The following ERI1 variants were observed in gnomAD, a reference collection of about 807,000 sequenced individuals.
ERI1 encodes the protein exoribonuclease 1.
In ERI1, 39 loss-of-function variants were observed where a neutral mutation model predicts 39.7. The ratio of observed to expected loss-of-function variants is 0.98; its 90% CI spans 0.76 to 1.28. The LOEUF is 1.28. Among genes scored for constraint, ERI1 ranks in the 50% most tolerant of loss-of-function variants. The pLI is 0.00. For synonymous variants in ERI1, 204 were observed against 149.6 expected (o/e 1.36, Z -2.65); for missense variants, 581 against 416.9 (o/e 1.39, Z -3.43).
At chr8:9,068,887 G>A (rs937465324) in intron 3 of ERI1, among the ~76,000 whole-genome samples, 18 of 152,066 alleles carry the variant, frequency 1.2e-4, no homozygotes, top group Non-Finnish European at 2.5e-4. Flanking sequence ...TGCAGTCATG[G>A]CTGACTGCAG....
chr8:9,047,667 C>G (rs542515598), intron 3 of ERI1, among the ~76,000 whole-genome samples: 4 of 152,086 alleles, frequency 2.6e-5, no homozygotes, highest in Non-Finnish European at 4.4e-5. Context: ...CAATTGCACT[C>G]CAGCCTGGGC....
Position 9,014,843 on chromosome 8 carries a change from TTTTG to T in ERI1, c.499-1475_499-1472del, listed in dbSNP as rs561875886. On this transcript the variant is annotated intron_variant, in intron 3 of 6. Transcript: ENST00000250263. ...TCAATTATTCTTTTGTTTTGTTTTGTTTTGTTTTTTTTGAGATGGAGTCTTGCTT... is the reference window on the plus strand; with the variant it reads ...TCAATTATTCTTTTGTTTTGTTTTGTTTTTTTTTGAGATGGAGTCTTGCTT... Among the ~76,000 whole-genome samples the T allele has an allele frequency of 5.5e-4, 84 of 152,208 alleles. 1 individual carries two copies. Among genetic ancestry groups the T allele is most frequent in the African/African-American group, 2.0e-3 (81 of 41,536 alleles).
chr8:9,034,741 C>T (rs1797786221), downstream of ERI1, among the ~76,000 whole-genome samples: 1 of 152,008 alleles, frequency 6.6e-6, no homozygotes, highest in Non-Finnish European at 1.5e-5. Flanking sequence ...ATGTCTTCCA[C>T]TTTAAATCAA....
At chr8:9,027,179 T>TG (rs1797233483) in intron 6 of ERI1, among the ~76,000 whole-genome samples, 50 of 99,318 alleles carry the variant, frequency 5.0e-4, no homozygotes, top group African/African-American at 1.5e-3. Flanking sequence ...GTGTGTGTGT[T>TG]TATGGCCATT....
intron 3 of ERI1, among the ~76,000 whole-genome samples, chr8:9,094,929 G>C (rs903556460): frequency 6.6e-6 from 1 of 151,926 alleles, no homozygotes; most frequent in African/African-American, 2.4e-5. Flanking sequence ...TCCTGAAATG[G>C]GTGGTAGGAA....
chr8:9,082,157 G>A (rs1235678664), intron 3 of ERI1, among the ~76,000 whole-genome samples: 2 of 152,172 alleles, frequency 1.3e-5, no homozygotes, highest in Non-Finnish European at 2.9e-5. Context: ...CTTCCATCAG[G>A]TGAGGTCCAC....
intron 4 of ERI1, among the ~76,000 whole-genome samples, chr8:9,016,675 A>G (rs1034943649): frequency 2.0e-5 from 3 of 152,174 alleles, no homozygotes; most frequent in South Asian, 2.1e-4. Context: ...TCCATACTGA[A>G]CTTGGAGATG....
chr8:9,066,720 G>A (rs901421281), intron 3 of ERI1, among the ~76,000 whole-genome samples: 2 of 152,276 alleles, frequency 1.3e-5, no homozygotes, highest in East Asian at 3.9e-4. Flanking sequence ...TTAAAAGAAA[G>A]GAAGAAATAA....
intron 6 of ERI1, among the ~76,000 whole-genome samples, chr8:9,028,094 T>G (rs1308911997): frequency 1.3e-5 from 2 of 152,254 alleles, no homozygotes; most frequent in African/African-American, 2.4e-5. Context: ...CTTAATGGAA[T>G]GAGTTGGGAA....
At chr8:9,038,703 A>C (rs1024823397) in intron 3 of ERI1, among the ~76,000 whole-genome samples, 2 of 152,190 alleles carry the variant, frequency 1.3e-5, no homozygotes. Context: ...GCTACATTGC[A>C]CGGAGATCTA....
chr8:9,033,949 CAA>C (rs761562933), downstream of ERI1, among the ~76,000 whole-genome samples: 87 of 152,286 alleles, frequency 5.7e-4, no homozygotes, highest in Non-Finnish European at 1.0e-3. Context: ...TTGAATGAAA[CAA>C]TATAAAATAC....
chr8:9,009,017 C>T (rs1014639784), intron 2 of ERI1: 4 of 456,150 alleles, frequency 8.8e-6, no homozygotes, highest in Non-Finnish European at 1.8e-5. Context: ...TTCCCCGATT[C>T]TTTCTGTTAT....
At chr8:9,035,687 A>G (rs535065420), downstream of ERI1, among the ~76,000 whole-genome samples, 3 of 152,348 alleles carry the variant, frequency 2.0e-5, no homozygotes, top group South Asian at 2.1e-4. Context: ...TATCCATTCC[A>G]CAGCCCATGG....
chr8:9,079,573 C>T (rs1799310075), intron 3 of ERI1, among the ~76,000 whole-genome samples: 1 of 152,132 alleles, frequency 6.6e-6, no homozygotes, highest in African/African-American at 2.4e-5. Context: ...AAGCTGAGGC[C>T]TAAAATATAA....
chr8:9,022,707 G>T (rs1818046534), intron 6 of ERI1, among the ~76,000 whole-genome samples: 1 of 152,018 alleles, frequency 6.6e-6, no homozygotes, highest in Admixed American at 6.6e-5. Flanking sequence ...GCCTTTTGTG[G>T]ATCTTTTTTT....
chr8:9,066,318 C>G (rs1389907818), intron 3 of ERI1, among the ~76,000 whole-genome samples: 2 of 152,230 alleles, frequency 1.3e-5, no homozygotes, highest in African/African-American at 4.8e-5. Context: ...GTGGTCATCT[C>G]AGAGTTGGTG....
At position 9,084,380 on chromosome 8, in the gene ERI1, C is replaced by T. The variant is rs556637373; in HGVS notation, n.300-31968C>T. 1.3e-4 allele frequency among the ~76,000 whole-genome samples: 20 copies of T among 152,320 alleles called. No homozygotes were observed. In the East Asian group the frequency reaches 3.7e-3, roughly 28 times the overall value. Reference sequence around the variant, plus strand: ...TTGCTTTGTAACTTTCTACTTCTCACTGTACCTTTTCTTTGCCCGTAGTGG... The same window carrying T: ...TTGCTTTGTAACTTTCTACTTCTCATTGTACCTTTTCTTTGCCCGTAGTGG... On this transcript the variant is annotated intron_variant and non_coding_transcript_variant, in intron 3 of 3. Coordinates refer to the ERI1 transcript ENST00000518663.
At chr8:9,024,207 T>C (rs572622531) in intron 6 of ERI1, among the ~76,000 whole-genome samples, 1 of 152,338 alleles carries the variant, frequency 6.6e-6, no homozygotes, top group East Asian at 1.9e-4. Context: ...TTCTGTGAAA[T>C]AATTCGCTTA....
Position 9,054,018 on chromosome 8 carries a change from T to G in ERI1, n.299+33554T>G, listed in dbSNP as rs113158240. Among the ~76,000 whole-genome samples the G allele has an allele frequency of 5.2e-3, 753 of 145,452 alleles. 7 individuals carry two copies. Among genetic ancestry groups the G allele is most frequent in the African/African-American group, 0.018 (705 of 38,414 alleles). ...AACAACACCCTGTGGCATTCAAAGT[T>G]CTAAGGCCTGATAGGCTAGAACTCC... On this transcript the variant is annotated intron_variant and non_coding_transcript_variant, in intron 3 of 3. Transcript: ENST00000518663.
Sources: gnomAD v4.1 joint callset for allele counts (sites outside exome capture counted in the v4.1 genomes callset) on GRCh38, gnomAD v4.1.1 for gene constraint, MANE v1.5 for transcripts, NCBI Gene and HGNC (gene_info 2026-07-23, HGNC 2026-07-21) for gene names.